Variants in AKAP12 observed in about 807,000 individuals in gnomAD.
The protein encoded by AKAP12 is A-kinase anchoring protein 12, also known as A-kinase anchor protein 12.
In AKAP12, 32 loss-of-function variants were observed where a neutral mutation model predicts 79.9. The ratio of observed to expected loss-of-function variants is 0.40; its 90% CI spans 0.30 to 0.54. The LOEUF (loss-of-function observed/expected upper bound fraction) is 0.54. AKAP12 is among the 20% of genes least tolerant of loss of function. The pLI, the probability that AKAP12 is intolerant of heterozygous loss-of-function variation, is 0.48. For missense variants in AKAP12, 2,074 were observed against 2,177.0 expected (o/e 0.95, Z 0.94); for synonymous variants, 808 against 857.0 (o/e 0.94, Z 1.00).
chr6:151,333,649 A>T (rs373279206), intron 3 of AKAP12, among the ~76,000 whole-genome samples: 275 of 151,562 alleles, frequency 1.8e-3, no homozygotes, highest in Non-Finnish European at 3.2e-3. Context: ...AGGCTGAGGC[A>T]GGAAAATTGC....
At chr6:151,314,468 A>T (rs886805623) in intron 3 of AKAP12, among the ~76,000 whole-genome samples, 1 of 152,216 alleles carries the variant, frequency 6.6e-6, no homozygotes, top group Non-Finnish European at 1.5e-5. Flanking sequence ...CCCTTCACAA[A>T]TGTGGCCACT....
rs150503560 is a variant in AKAP12, at chr6:151,329,177, C to T, written c.320-19534C>T. Among the ~76,000 whole-genome samples, 349 of 152,142 alleles carry T rather than the reference C, an allele frequency of 2.3e-3. 3 individuals carry two copies. The East Asian group carries it at 0.04, about 17-fold the overall frequency. On this transcript the variant is annotated intron_variant, in intron 3 of 4. Coordinates refer to ENST00000402676, the MANE Select transcript of AKAP12 (RefSeq NM_005100.4). ...TCACCCAGGCTGGAGTGCAGTGGCG[C>T]GATCTCAGCTCACTGCAACCTCCAC...
At chr6:151,308,364 C>T (rs1371323991) in intron 3 of AKAP12, among the ~76,000 whole-genome samples, 3 of 151,964 alleles carry the variant, frequency 2.0e-5, no homozygotes, top group Non-Finnish European at 4.4e-5. Flanking sequence ...AGGTGCCTGC[C>T]ATCATGCCCA....
intron 2 of AKAP12, among the ~76,000 whole-genome samples, chr6:151,296,622 C>G (rs1225713101): frequency 6.6e-6 from 1 of 152,084 alleles, no homozygotes; most frequent in East Asian, 1.9e-4. Flanking sequence ...ACTAAAAATA[C>G]AAAAATTAGC....
chr6:151,330,632 C>T (rs1777644790), intron 3 of AKAP12, among the ~76,000 whole-genome samples: 2 of 152,050 alleles, frequency 1.3e-5, no homozygotes, highest in Admixed American at 1.3e-4. Context: ...TTCTTTTTCT[C>T]AACCAAAAAT....
intron 2 of AKAP12, among the ~76,000 whole-genome samples, chr6:151,259,511 T>TACACACACACACAC (rs373506742): frequency 2.0e-5 from 2 of 101,102 alleles, no homozygotes; most frequent in African/African-American, 7.6e-5. Context: ...TATATATATA[T>TACACACACACACAC]ACACACACAC....
intron 2 of AKAP12, among the ~76,000 whole-genome samples, chr6:151,252,926 T>TG (rs1797213969): frequency 6.6e-6 from 1 of 152,176 alleles, no homozygotes; most frequent in Non-Finnish European, 1.5e-5. Flanking sequence ...TGAGGTTGCT[T>TG]GGGGAATGCG....
intron 3 of AKAP12, chr6:151,325,937 C>G (rs756633631): frequency 3.7e-6 from 6 of 1,613,668 alleles, no homozygotes; most frequent in Non-Finnish European, 4.2e-6. Context: ...AGGCACGGGG[C>G]ACGAAAAGGG....
chr6:151,278,308 T>G (rs1344925169), intron 2 of AKAP12, among the ~76,000 whole-genome samples: 1 of 151,946 alleles, frequency 6.6e-6, no homozygotes, highest in Non-Finnish European at 1.5e-5. Flanking sequence ...CTTCGCCTCC[T>G]GGGTTCAAGC....
chr6:151,268,069 T>C (rs1776086668), intron 2 of AKAP12, among the ~76,000 whole-genome samples: 1 of 152,102 alleles, frequency 6.6e-6, no homozygotes, highest in African/African-American at 2.4e-5. Context: ...ATCTTTTCCT[T>C]CTAAGCTGGA....
intron 2 of AKAP12, among the ~76,000 whole-genome samples, chr6:151,249,608 A>G (rs1446610746): frequency 6.6e-6 from 1 of 152,236 alleles, no homozygotes. Flanking sequence ...TCCACTAGCT[A>G]CTGATGATGT....
chr6:151,273,549 C>T (rs777778369), intron 2 of AKAP12, among the ~76,000 whole-genome samples: 11 of 152,210 alleles, frequency 7.2e-5, no homozygotes, highest in Non-Finnish European at 1.5e-4. Context: ...CTTTTACCCT[C>T]ATCTCTCCCT....
intron 2 of AKAP12, among the ~76,000 whole-genome samples, chr6:151,252,812 GCAT>G (rs1270712632): frequency 7.9e-5 from 12 of 151,990 alleles, no homozygotes; most frequent in Admixed American, 3.9e-4. Flanking sequence ...GATCGTGATG[GCAT>G]CATGCCACAG....
chr6:151,307,547 T>G (rs778173189), intron 3 of AKAP12, among the ~76,000 whole-genome samples: 8 of 152,260 alleles, frequency 5.3e-5, no homozygotes, highest in Non-Finnish European at 7.4e-5. Flanking sequence ...CTGACTTAGG[T>G]GATCTGTAGG....
chr6:151,311,906 C>T (rs1407944273), intron 3 of AKAP12, among the ~76,000 whole-genome samples: 4 of 152,180 alleles, frequency 2.6e-5, no homozygotes, highest in African/African-American at 9.7e-5. Context: ...GTATAGTAGG[C>T]ACCCTAAGAC....
chr6:151,313,998 T>C (rs912768849), intron 3 of AKAP12, among the ~76,000 whole-genome samples: 1 of 152,110 alleles, frequency 6.6e-6, no homozygotes, highest in Admixed American at 6.6e-5. Flanking sequence ...CCGTTATGCC[T>C]TTTTATAAAA....
intron 2 of AKAP12, among the ~76,000 whole-genome samples, chr6:151,300,625 G>A (rs1267788699): frequency 1.3e-5 from 2 of 152,122 alleles, no homozygotes; most frequent in African/African-American, 2.4e-5. Flanking sequence ...TAGTTTTTCT[G>A]TGGTGCCTTG....
rs1341360704 is a variant in AKAP12 at position 151,353,141 on chromosome 6, A to C, written c.4750A>C (p.Lys1584Gln). The change falls in exon 4 of 5, where the codon AAA becomes CAA. Residue 1584 changes from lysine to glutamine, a missense_variant. Lys to Gln is a moderately conservative substitution (Grantham distance 53, BLOSUM62 1). Transcript: ENST00000402676. ...SELQTQAHVIKADSQDAGQET... is the reference protein window; with the variant it reads ...SELQTQAHVIQADSQDAGQET... ...GTTACAGACACAAGCTCACGTGATA[A>C]AAGCTGACAGCCAGGACGCTGGACA... 3 of 1,614,098 alleles carry C rather than the reference A, an allele frequency of 1.9e-6. No homozygotes were observed. Among genetic ancestry groups the C allele is most frequent in the Middle Eastern group, 1.6e-4 (1 of 6,084 alleles).
At chr6:151,333,905 A>G (rs985759153) in intron 3 of AKAP12, among the ~76,000 whole-genome samples, 1 of 151,886 alleles carries the variant, frequency 6.6e-6, no homozygotes, top group African/African-American at 2.4e-5. Flanking sequence ...AGTGAAGAAG[A>G]GGAGGTGAGG....
Sources: allele counts gnomAD v4.1 joint callset (sites outside exome capture counted in the v4.1 genomes callset), GRCh38; gene constraint gnomAD v4.1.1; transcripts MANE v1.5; gene names NCBI Gene and HGNC (gene_info 2026-07-23, HGNC 2026-07-21).